SLC9C1: variants seen among roughly 807,000 people sequenced by gnomAD.
The protein encoded by SLC9C1 is sodium/hydrogen exchanger 10.
Under a neutral mutation model 140.9 loss-of-function variants are expected in SLC9C1, and 97 were observed. The observed-to-expected ratio is 0.69, with a 90% CI of 0.58 to 0.82. The LOEUF is 0.82. Among genes scored for constraint, SLC9C1 ranks in the 40% least tolerant of loss-of-function variants. The probability of loss-of-function intolerance (pLI) is 0.00; values close to 1 mark genes in which losing one functional copy is unlikely to be tolerated. For missense variants in SLC9C1, 1,340 were observed against 1,389.3 expected, an observed-to-expected ratio of 0.96 and a Z score of 0.56; for synonymous variants, 440 against 442.6, an observed-to-expected ratio of 0.99 and a Z score of 0.07.
intron 19 of SLC9C1, among the ~76,000 whole-genome samples, chr3:112,200,368 T>A (rs2108029163): frequency 6.6e-6 from 1 of 152,254 alleles, no homozygotes; most frequent in South Asian, 2.1e-4. Context: ...AAACGTAACT[T>A]CTTTTCTTGT....
chr3:112,238,355 C>T (rs1255991739), intron 12 of SLC9C1, among the ~76,000 whole-genome samples: 4 of 152,258 alleles, frequency 2.6e-5, no homozygotes, highest in Non-Finnish European at 4.4e-5. Flanking sequence ...GTTAGCCATT[C>T]GTCTAATCTT....
At chr3:112,280,585 A>C (rs1377305389) in intron 3 of SLC9C1, 98 bp downstream of exon 3, 1 of 948,964 alleles carries the variant, frequency 1.1e-6, no homozygotes, top group African/African-American at 1.7e-5. Context: ...CTGGCAGAAC[A>C]GTGAGGGGAT....
intron 13 of SLC9C1, among the ~76,000 whole-genome samples, chr3:112,221,758 C>T (rs751638215): frequency 9.2e-5 from 14 of 151,886 alleles, no homozygotes; most frequent in Non-Finnish European, 1.3e-4. Flanking sequence ...TACTATTTGG[C>T]AGAATGCAGT....
intron 20 of SLC9C1, among the ~76,000 whole-genome samples, chr3:112,192,241 C>T (rs375271300): frequency 6.6e-6 from 1 of 152,096 alleles, no homozygotes; most frequent in African/African-American, 2.4e-5. Context: ...AAACTCTATA[C>T]CCATTAAACA....
chr3:112,179,741 T>C, intron 22 of SLC9C1, 40 bp from the exon 23 acceptor site: 1 of 1,505,182 alleles, frequency 6.6e-7, no homozygotes, highest in Non-Finnish European at 8.9e-7. Context: ...CATATGCCAG[T>C]TAACTTGTAT....
intron 23 of SLC9C1, among the ~76,000 whole-genome samples, chr3:112,176,347 G>A (rs1033263495): frequency 1.3e-5 from 2 of 152,158 alleles, no homozygotes; most frequent in African/African-American, 4.8e-5. Context: ...CCCAATGTGT[G>A]TACCTGGATG....
intron 7 of SLC9C1, among the ~76,000 whole-genome samples, chr3:112,268,468 C>A (rs1447201138): frequency 1.3e-5 from 2 of 152,024 alleles, no homozygotes; most frequent in African/African-American, 4.8e-5. Context: ...TGTTTAGGTC[C>A]AAACTATTTG....
At chr3:112,207,275 T>G (rs4564946) in intron 16 of SLC9C1, among the ~76,000 whole-genome samples, 114,842 of 152,070 alleles carry the variant, frequency 0.76, 43,773 homozygotes, top group East Asian at 0.99. Context: ...TCTGAAGGGA[T>G]AGTAGGATAA....
intron 26 of SLC9C1, among the ~76,000 whole-genome samples, chr3:112,159,544 G>C (rs1295402260): frequency 1.3e-5 from 2 of 152,088 alleles, no homozygotes. Context: ...TGCAGCAGTT[G>C]AATGAAATAC....
chr3:112,194,138 A>G (rs559265853), intron 20 of SLC9C1, among the ~76,000 whole-genome samples: 3 of 152,262 alleles, frequency 2.0e-5, no homozygotes, highest in Admixed American at 6.5e-5. Flanking sequence ...AATCTGGAGT[A>G]ATGCAGCTTC....
intron 13 of SLC9C1, among the ~76,000 whole-genome samples, chr3:112,223,955 G>A (rs1320616735): frequency 6.6e-6 from 1 of 152,172 alleles, no homozygotes; most frequent in African/African-American, 2.4e-5. Context: ...AGTGAGCTGA[G>A]CTGCTGGCTA....
rs368719817 is a variant in SLC9C1, at chr3:112,199,931, A to C, written c.2375-462T>G. On this transcript the variant is annotated intron_variant, in intron 19 of 28. Transcript: ENST00000305815. The stretch of plus-strand genomic sequence containing the variant: ...ACCTGCCAGTGCATCTAGATGACTC[A>C]TACATTTATGCTCTTCTGCCCATTT... Among the ~76,000 whole-genome samples the C allele has an allele frequency of 4.6e-4, 70 of 152,156 alleles. 1 individual carries two copies. The South Asian group carries it at 0.013, about 29-fold the overall frequency.
intron 6 of SLC9C1, among the ~76,000 whole-genome samples, chr3:112,270,488 T>C (rs941589165): frequency 1.3e-5 from 2 of 152,202 alleles, no homozygotes; most frequent in African/African-American, 4.8e-5. Flanking sequence ...TCCCTAATGT[T>C]TAGTGATGCT....
intron 10 of SLC9C1, among the ~76,000 whole-genome samples, chr3:112,251,019 A>G (rs1191926526): frequency 6.6e-6 from 1 of 152,210 alleles, no homozygotes; most frequent in Non-Finnish European, 1.5e-5. Flanking sequence ...CTGGATAAAG[A>G]AAATGTGGTA....
intron 11 of SLC9C1, among the ~76,000 whole-genome samples, chr3:112,242,094 G>A (rs62279495): frequency 0.22 from 32,990 of 152,072 alleles, 3,869 homozygotes; most frequent in Middle Eastern, 0.28. Context: ...AAATTGACAA[G>A]CAACACCTAA....
intron 12 of SLC9C1, among the ~76,000 whole-genome samples, chr3:112,235,339 T>C (rs1265421724): frequency 2.0e-5 from 3 of 147,970 alleles, no homozygotes; most frequent in Non-Finnish European, 4.5e-5. Flanking sequence ...CCTGAGACTT[T>C]GCTGAAGTTG....
At chr3:112,276,790 G>A (rs1437123670) in intron 5 of SLC9C1, among the ~76,000 whole-genome samples, 1 of 152,056 alleles carries the variant, frequency 6.6e-6, no homozygotes, top group Non-Finnish European at 1.5e-5. Flanking sequence ...TGGGGAGGAA[G>A]ACAAGAATCC....
At position 112,176,859 on chromosome 3, in the gene SLC9C1, G is replaced by C. The variant is rs61172759; in HGVS notation, c.2919+2672C>G. 1.9e-3 allele frequency among the ~76,000 whole-genome samples: 292 copies of C among 152,224 alleles called. 1 individual carries two copies. The East Asian group carries it at 0.033, about 17-fold the overall frequency. On this transcript the variant is annotated intron_variant, in intron 23 of 28. Coordinates refer to ENST00000305815, the MANE Select transcript of SLC9C1 (RefSeq NM_183061.3). The stretch of plus-strand genomic sequence containing the variant: ...AAGGCTTTGTTAGGTCTTAGAATAA[G>C]AGCAAGCCTTCTTCTAGGTCATGAT...
chr3:112,269,349 ATCC>A (rs2108312055), intron 7 of SLC9C1, among the ~76,000 whole-genome samples: 1 of 152,260 alleles, frequency 6.6e-6, no homozygotes, highest in South Asian at 2.1e-4. Flanking sequence ...GGCTCAGTTG[ATCC>A]TCCTGCCTCA....
Sources: allele counts gnomAD v4.1 joint callset (sites outside exome capture counted in the v4.1 genomes callset), GRCh38; gene constraint gnomAD v4.1.1; transcripts MANE v1.5; gene names NCBI Gene and HGNC (gene_info 2026-07-23, HGNC 2026-07-21).